Variants in AKAP9 observed in about 807,000 individuals in gnomAD.
AKAP9 encodes the protein A-kinase anchoring protein 9.
Under a neutral mutation model 488.5 loss-of-function variants are expected in AKAP9, and 311 were observed. The observed-to-expected ratio is 0.64, with a 90% CI of 0.58 to 0.70. The LOEUF (loss-of-function observed/expected upper bound fraction) is 0.70, where lower values mean the gene tolerates loss of function less well. Among genes scored for constraint, AKAP9 ranks in the 30% least tolerant of loss-of-function variants. The pLI, the probability that AKAP9 is intolerant of heterozygous loss-of-function variation, is 0.00. For missense variants in AKAP9, 4,215 were observed against 4,374.5 expected (o/e 0.96, Z 1.03); for synonymous variants, 1,462 against 1,483.5 (o/e 0.99, Z 0.33).
At chr7:92,022,174 TA>T in intron 12 of AKAP9, 63 bp from the exon 13 acceptor site, 1 of 1,308,052 alleles carries the variant, frequency 7.6e-7, no homozygotes, top group Non-Finnish European at 1.1e-6. Flanking sequence ...GTTGCTTTAA[TA>T]CAGCTTTCTA....
intron 3 of AKAP9, among the ~76,000 whole-genome samples, 162 bp downstream of exon 3, chr7:91,980,495 C>CTTTTTTTTTGTTTTTTT (rs1796259055): frequency 2.1e-5 from 1 of 48,756 alleles, no homozygotes; most frequent in Non-Finnish European, 3.3e-5. Context: ...GTATTACTGA[C>CTTTTTTTTTGTTTTTTT]TTTTTTTTTT....
rs777175127 is a variant in AKAP9 at position 92,077,710 on chromosome 7, A to T, written c.6780A>T (p.Lys2260Asn). ...ENKLFKDDME[K>N]LGLAIKESDA... is the part of the protein sequence containing the mutation. ...TTTGTTCCTAGGATGACATGGAGAA[A>T]CTGGGACTTGCCATAAAGGAATCTG... Residue 2260 changes from lysine to asparagine, a missense_variant, in exon 30 of 50, where the codon AAA (lysine) becomes AAT (asparagine). By Grantham distance (94) the Lys-to-Asn change is moderately conservative. Coordinates refer to ENST00000356239, the MANE Select transcript of AKAP9 (RefSeq NM_005751.5). 6.2e-7 allele frequency: 1 copy of T among 1,613,792 alleles called. No homozygotes were observed. Among genetic ancestry groups the T allele is most frequent in the Admixed American group, 1.7e-5 (1 of 60,024 alleles).
Position 92,052,738 on chromosome 7 carries a change from C to A in AKAP9, c.5381C>A (p.Ser1794Tyr). ...ACTGTTATTCTAGTTACAGATGAATCCATTCCCTCTTATTCTGGAAGTGAT... is the reference window on the plus strand; with the variant it reads ...ACTGTTATTCTAGTTACAGATGAATACATTCCCTCTTATTCTGGAAGTGAT... The part of the protein sequence containing the change: ...HEEHTRVTDE[S>Y]IPSYSGSDMP... Residue 1794 changes from serine to tyrosine, a missense_variant, in exon 22 of 50, where the codon TCC becomes TAC. This residue lies in a region of AKAP9 where 2,361 missense variants were observed against 2,430.0 expected (regional missense o/e 0.97). Transcript: ENST00000356239. The A allele has an allele frequency of 6.2e-7, 1 of 1,609,788 alleles. No homozygotes were observed. The highest frequency in any genetic ancestry group is 1.1e-5 in the South Asian group (1 of 90,926).
chr7:92,033,808 A>G (rs1804704396), intron 16 of AKAP9, among the ~76,000 whole-genome samples: 1 of 152,212 alleles, frequency 6.6e-6, no homozygotes, highest in South Asian at 2.1e-4. Flanking sequence ...AGTATATATC[A>G]TATTAGAGTC....
chr7:92,075,375 A>G (rs1403331339), intron 28 of AKAP9, among the ~76,000 whole-genome samples: 1 of 152,278 alleles, frequency 6.6e-6, no homozygotes, highest in Non-Finnish European at 1.5e-5. Context: ...ATACTATGTT[A>G]AATCACTTTG....
At chr7:91,965,013 A>C (rs1794256924) in intron 1 of AKAP9, among the ~76,000 whole-genome samples, 1 of 152,198 alleles carries the variant, frequency 6.6e-6, no homozygotes, top group Non-Finnish European at 1.5e-5. Context: ...CGTTAGCTTT[A>C]ATTAGTGAAA....
chr7:92,100,169 G>C (rs1209736038), intron 44 of AKAP9: 3 of 325,474 alleles, frequency 9.2e-6, no homozygotes, highest in Non-Finnish European at 1.8e-5. Context: ...CAAGATACTT[G>C]TATCTCCAAA....
chr7:92,088,491 A>G (rs1814986341), intron 37 of AKAP9, among the ~76,000 whole-genome samples: 1 of 152,242 alleles, frequency 6.6e-6, no homozygotes. Context: ...CATCCATACA[A>G]TGAAATATTA....
At chr7:92,008,309 G>C (rs1036259707) in intron 8 of AKAP9, among the ~76,000 whole-genome samples, 2 of 152,246 alleles carry the variant, frequency 1.3e-5, no homozygotes, top group Admixed American at 6.5e-5. Context: ...AGAGGTTGCA[G>C]TGAGCCGAGA....
At chr7:91,959,706 G>A (rs1035636600) in intron 1 of AKAP9, among the ~76,000 whole-genome samples, 1 of 151,916 alleles carries the variant, frequency 6.6e-6, no homozygotes, top group African/African-American at 2.4e-5. Context: ...TAGACATGAC[G>A]GTGGTCCAAA....
At chr7:91,959,640 T>C (rs1275901803) in intron 1 of AKAP9, among the ~76,000 whole-genome samples, 1 of 152,172 alleles carries the variant, frequency 6.6e-6, no homozygotes, top group African/African-American at 2.4e-5. Context: ...AGTGAAATTG[T>C]GTTAAAATAT....
rs1193144150 is a variant in AKAP9, at chr7:92,012,308, AT to A, written c.3319-119del. On this transcript the variant is annotated intron_variant, in intron 8 of 49. Transcript: ENST00000356239. ...GCAACAGCACGAAGATAGAAAAAAA[AT>A]TAGACTTCAGTTCTCATGAATTTTT... The A allele has an allele frequency of 5.7e-6, 5 of 881,514 alleles. No homozygotes were observed. The Admixed American group carries it at 8.6e-5, about 15-fold the overall frequency. The allele number at this position is 881,514 out of a possible 1,614,324, so 54.6% of individuals were successfully genotyped here. A position where few individuals can be genotyped will look rare whatever the true frequency, so the allele number is the denominator to read the frequency against.
At chr7:92,103,387 CAAAAAAAAAA>C (rs898565298) in intron 46 of AKAP9, among the ~76,000 whole-genome samples, 29 of 25,922 alleles carry the variant, frequency 1.1e-3, no homozygotes, top group African/African-American at 4.3e-3. Context: ...GAGACTCTGT[CAAAAAAAAAA>C]AAAAAAAAAA....
chr7:91,960,485 G>A (rs1436985396), intron 1 of AKAP9, among the ~76,000 whole-genome samples: 4 of 152,094 alleles, frequency 2.6e-5, no homozygotes, highest in Non-Finnish European at 4.4e-5. Context: ...ATGATCTTGG[G>A]CAGATAACCC....
chr7:92,087,401 A>C (rs1375437451), intron 37 of AKAP9, among the ~76,000 whole-genome samples: 1 of 152,226 alleles, frequency 6.6e-6, no homozygotes, highest in Non-Finnish European at 1.5e-5. Flanking sequence ...AGATATAAAA[A>C]TAATAGAATA....
Position 92,082,658 on chromosome 7 carries a change from T to G in AKAP9, c.8156T>G (p.Leu2719Arg), listed in dbSNP as rs577370240. Residue 2719 changes from leucine to arginine, a missense_variant, in exon 32 of 50, where the codon CTT (leucine) becomes CGT (arginine). Transcript: ENST00000356239. ...KEKAEKLQEE[L>R]LVKETNMTSL... ...AAGGCTGAAAAACTTCAAGAAGAGC[T>G]TTTGGTAAGATAAGTAACATAGCTC... 10 of 1,613,874 alleles carry G rather than the reference T, an allele frequency of 6.2e-6. No homozygotes were observed. In the South Asian group the frequency reaches 1.1e-4, roughly 18 times the overall value.
At chr7:92,101,094 C>A (rs1306381026) in intron 45 of AKAP9, 38 bp downstream of exon 45, 20 of 1,588,486 alleles carry the variant, frequency 1.3e-5, no homozygotes, top group Non-Finnish European at 1.5e-5. Flanking sequence ...ACAGCTGGTT[C>A]TATGTTTTTG....
intron 26 of AKAP9, among the ~76,000 whole-genome samples, chr7:92,067,765 C>T (rs1810997679): frequency 6.6e-6 from 1 of 152,048 alleles, no homozygotes; most frequent in African/African-American, 2.4e-5. Context: ...TAAGGCAATC[C>T]CAGTTTGTAT....
At chr7:91,956,753 G>A (rs1178338508) in intron 1 of AKAP9, among the ~76,000 whole-genome samples, 1 of 152,158 alleles carries the variant, frequency 6.6e-6, no homozygotes, top group African/African-American at 2.4e-5. Flanking sequence ...GGAAGTCAAA[G>A]TGTGTTATAA....
Sources: gnomAD v4.1 joint callset for allele counts (sites outside exome capture counted in the v4.1 genomes callset) on GRCh38, gnomAD v4.1.1 for gene constraint, gnomAD v4.1.1 regional missense constraint, MANE v1.5 for transcripts, NCBI Gene and HGNC (gene_info 2026-07-23, HGNC 2026-07-21) for gene names.